PLPPR4: variants seen among roughly 807,000 people sequenced by gnomAD.
PLPPR4 encodes phospholipid phosphatase-related protein type 4.
In PLPPR4, 24 loss-of-function variants were observed where a neutral mutation model predicts 56.6. The observed-to-expected ratio is 0.42, with a 90% CI of 0.31 to 0.60. The LOEUF is 0.60. PLPPR4 is among the 20% of genes least tolerant of loss of function. The pLI is 0.13. For missense variants in PLPPR4, 654 were observed against 885.8 expected, an observed-to-expected ratio of 0.74 and a Z score of 3.32; for synonymous variants, 326 against 328.1, an observed-to-expected ratio of 0.99 and a Z score of 0.07.
chr1:99,273,876 T>C (rs2100786398), intron 1 of PLPPR4, among the ~76,000 whole-genome samples: 1 of 152,248 alleles, frequency 6.6e-6, no homozygotes, highest in Middle Eastern at 3.4e-3. Context: ...GATCATAAAT[T>C]GCCTATCAGA....
intron 1 of PLPPR4, among the ~76,000 whole-genome samples, chr1:99,286,355 C>A (rs539794171): frequency 9.9e-5 from 15 of 152,160 alleles, no homozygotes; most frequent in African/African-American, 3.6e-4. Flanking sequence ...TGATTGCTTC[C>A]TTAAATTATT....
chr1:99,303,321 A>G (rs1441020137), intron 6 of PLPPR4, among the ~76,000 whole-genome samples: 2 of 152,198 alleles, frequency 1.3e-5, no homozygotes, highest in East Asian at 3.9e-4. Context: ...TTAGCAGACC[A>G]GGTAAATGAC....
chr1:99,295,237 T>C (rs1317202216), intron 2 of PLPPR4, among the ~76,000 whole-genome samples: 1 of 152,232 alleles, frequency 6.6e-6, no homozygotes, highest in South Asian at 2.1e-4. Context: ...TCTACTATGA[T>C]AATTACTCTT....
At chr1:99,276,759 C>A (rs1204666397) in intron 1 of PLPPR4, among the ~76,000 whole-genome samples, 2 of 152,176 alleles carry the variant, frequency 1.3e-5, no homozygotes, top group Non-Finnish European at 2.9e-5. Flanking sequence ...GGGAATTTAA[C>A]CATATCATTG....
chr1:99,264,789 A>C, intron 1 of PLPPR4, 118 bp downstream of exon 1: 1 of 1,041,750 alleles, frequency 9.6e-7, no homozygotes, highest in Non-Finnish European at 1.4e-6. Context: ...GGCTGTCCCC[A>C]AATGCCCGAC....
intron 2 of PLPPR4, among the ~76,000 whole-genome samples, 174 bp downstream of exon 2, chr1:99,288,324 G>T (rs72736381): frequency 0.065 from 9,954 of 152,022 alleles, 352 homozygotes; most frequent in African/African-American, 0.072. Flanking sequence ...TAACATTATT[G>T]GCATTAAAAT....
At chr1:99,266,125 G>A (rs1016518312) in intron 1 of PLPPR4, among the ~76,000 whole-genome samples, 3 of 152,216 alleles carry the variant, frequency 2.0e-5, no homozygotes, top group African/African-American at 7.2e-5. Flanking sequence ...AAGATTCCAT[G>A]ATGAAAATGG....
At chr1:99,303,075 T>C (rs899316734) in intron 6 of PLPPR4, among the ~76,000 whole-genome samples, 6 of 152,064 alleles carry the variant, frequency 3.9e-5, no homozygotes, top group Non-Finnish European at 5.9e-5. Context: ...CCTGAGGAAG[T>C]TAGAAAAGAC....
intron 1 of PLPPR4, among the ~76,000 whole-genome samples, chr1:99,284,748 T>C (rs981750844): frequency 2.6e-4 from 39 of 152,170 alleles, no homozygotes; most frequent in African/African-American, 8.9e-4. Context: ...TAATGCATAA[T>C]ATTAATGACA....
intron 6 of PLPPR4, among the ~76,000 whole-genome samples, chr1:99,304,543 A>C (rs966126186): frequency 1.3e-5 from 2 of 152,212 alleles, no homozygotes; most frequent in African/African-American, 4.8e-5. Context: ...AACATGAGTT[A>C]GGGATTGCTC....
At chr1:99,266,771 A>G (rs549213594) in intron 1 of PLPPR4, among the ~76,000 whole-genome samples, 1 of 152,376 alleles carries the variant, frequency 6.6e-6, no homozygotes, top group East Asian at 1.9e-4. Context: ...AATTAAATGC[A>G]TGATGAACCA....
At chr1:99,293,826 T>C (rs1659678310) in intron 2 of PLPPR4, among the ~76,000 whole-genome samples, 1 of 152,206 alleles carries the variant, frequency 6.6e-6, no homozygotes, top group Admixed American at 6.6e-5. Context: ...CTCCCTATGA[T>C]GACTGTTCCA....
intron 1 of PLPPR4, among the ~76,000 whole-genome samples, chr1:99,268,451 G>C (rs1013913614): frequency 6.6e-6 from 1 of 152,178 alleles, no homozygotes; most frequent in Non-Finnish European, 1.5e-5. Context: ...CTGAGGTGTT[G>C]GTGTTCAGCC....
chr1:99,270,273 G>T (rs753613158), intron 1 of PLPPR4, among the ~76,000 whole-genome samples: 2 of 151,984 alleles, frequency 1.3e-5, no homozygotes, highest in East Asian at 1.9e-4. Context: ...CAATCCTCCC[G>T]CCTCAGCCTC....
chr1:99,288,273 C>T (rs1659523961), intron 2 of PLPPR4, 123 bp downstream of exon 2: 1 of 787,164 alleles, frequency 1.3e-6, no homozygotes, highest in Admixed American at 3.0e-5. Flanking sequence ...AAAGTCATGT[C>T]TTTGAGATAT....
intron 1 of PLPPR4, among the ~76,000 whole-genome samples, chr1:99,270,446 C>G (rs190514150): frequency 1.3e-3 from 191 of 152,310 alleles, no homozygotes; most frequent in African/African-American, 3.8e-3. Context: ...GAAGAAGAAG[C>G]CATTGCTGCT....
At chr1:99,298,939 T>A in intron 3 of PLPPR4, 96 bp from the exon 4 acceptor site, 1 of 876,440 alleles carries the variant, frequency 1.1e-6, no homozygotes, top group Non-Finnish European at 1.9e-6. Context: ...ATGAACACAA[T>A]AGATTTTAAG....
At chr1:99,267,877 G>T (rs1204249936) in intron 1 of PLPPR4, among the ~76,000 whole-genome samples, 1 of 152,188 alleles carries the variant, frequency 6.6e-6, no homozygotes, top group Non-Finnish European at 1.5e-5. Flanking sequence ...CATTTATAAA[G>T]TACTTAGTAT....
At chr1:99,276,095 T>A (rs1659179892) in intron 1 of PLPPR4, among the ~76,000 whole-genome samples, 1 of 152,190 alleles carries the variant, frequency 6.6e-6, no homozygotes, top group Non-Finnish European at 1.5e-5. Context: ...CTCTTTTACA[T>A]ACACCAAGCC....
Sources: gnomAD v4.1 joint callset for allele counts (sites outside exome capture counted in the v4.1 genomes callset) on GRCh38, gnomAD v4.1.1 for gene constraint, MANE v1.5 for transcripts, NCBI Gene and HGNC (gene_info 2026-07-23, HGNC 2026-07-21) for gene names.